Variants in VOPP1 observed in about 807,000 individuals in gnomAD.
VOPP1 encodes the protein WW domain binding protein VOPP1.
A neutral mutation model predicts 23.5 loss-of-function variants in VOPP1; 8 were observed. The ratio of observed to expected loss-of-function variants is 0.34; its 90% CI spans 0.20 to 0.61. The LOEUF (loss-of-function observed/expected upper bound fraction) is 0.61, where lower values mean the gene tolerates loss of function less well. Among genes scored for constraint, VOPP1 ranks in the 20% least tolerant of loss-of-function variants. The pLI is 0.78. For missense variants in VOPP1, 174 were observed against 238.1 expected (o/e 0.73, Z 1.77); for synonymous variants, 83 against 97.3 (o/e 0.85, Z 0.86).
intron 4 of VOPP1, among the ~76,000 whole-genome samples, chr7:55,491,824 T>C (rs373912636): frequency 2.6e-4 from 39 of 152,176 alleles, no homozygotes; most frequent in African/African-American, 8.7e-4. Context: ...GAATACTTGT[T>C]GAATGCATGA....
In VOPP1 at chr7:55,521,139, A is replaced by G. The variant is rs759973290; in HGVS notation, c.55-9T>C. On this transcript the variant is annotated splice_polypyrimidine_tract_variant and intron_variant, in intron 1 of 4. Coordinates refer to ENST00000285279, the MANE Select transcript of VOPP1 (RefSeq NM_030796.5). ...TTTTTGGCTTCTGTGCACTGCAAAT[A>G]GAAGCAAGAAAAAGTTTGTCAGTAC... 1 of 1,571,274 alleles carries G rather than the reference A, an allele frequency of 6.4e-7. No individual in the cohort carries two copies. Among genetic ancestry groups the G allele is most frequent in the South Asian group, 1.2e-5 (1 of 85,328 alleles).
intron 1 of VOPP1, among the ~76,000 whole-genome samples, chr7:55,546,084 TAAAG>T (rs1243570800): frequency 6.6e-6 from 1 of 151,464 alleles, no homozygotes; most frequent in East Asian, 1.9e-4. Flanking sequence ...AAAAATAAAA[TAAAG>T]AAAAGAAAAA....
intron 4 of VOPP1, among the ~76,000 whole-genome samples, chr7:55,491,025 C>T (rs554970733): frequency 6.6e-6 from 1 of 152,220 alleles, no homozygotes; most frequent in African/African-American, 2.4e-5. Flanking sequence ...ACATTCAATC[C>T]CTCTACTTCT....
At chr7:55,439,603 G>T (rs750006740) in intron 4 of VOPP1, among the ~76,000 whole-genome samples, 1 of 152,230 alleles carries the variant, frequency 6.6e-6, no homozygotes, top group African/African-American at 2.4e-5. Flanking sequence ...CTGGAGTGAC[G>T]TCTCCAAGGA....
intron 4 of VOPP1, among the ~76,000 whole-genome samples, chr7:55,458,585 TG>T (rs1340761015): frequency 2.0e-5 from 3 of 152,174 alleles, no homozygotes; most frequent in Non-Finnish European, 4.4e-5. Flanking sequence ...CTTTCATTAG[TG>T]TTTTGTAGTT....
At position 55,572,492 on chromosome 7, in the gene VOPP1, G is replaced by T. The variant is rs1004821678; in HGVS notation, c.-168C>A. ...GAGCCGGGGCGCGCCGCGCAGCCCT[G>T]GCTGCGCTCCGCCCCCGGCCGCCGC... On this transcript the variant is annotated 5_prime_UTR_variant, in exon 1 of 5. Transcript: ENST00000285279. 3.8e-5 allele frequency: 9 copies of T among 236,852 alleles called. No homozygotes were observed. Among genetic ancestry groups the T allele is most frequent in the Non-Finnish European group, 5.4e-5 (8 of 149,216 alleles). The allele number at this position is 236,852 out of a possible 1,614,324, so 14.7% of individuals were successfully genotyped here.
At chr7:55,501,146 G>C (rs1794337286) in intron 2 of VOPP1, among the ~76,000 whole-genome samples, 2 of 152,344 alleles carry the variant, frequency 1.3e-5, no homozygotes, top group Middle Eastern at 3.4e-3. Context: ...ACTGCATACT[G>C]ACCAGAAAGA....
At chr7:55,503,279 AG>A (rs1292936417) in intron 2 of VOPP1, among the ~76,000 whole-genome samples, 2 of 152,222 alleles carry the variant, frequency 1.3e-5, no homozygotes, top group Non-Finnish European at 2.9e-5. Flanking sequence ...CGATTTAGAC[AG>A]GTGTCAGAGC....
chr7:55,569,794 T>A (rs1798288799), intron 1 of VOPP1, among the ~76,000 whole-genome samples: 1 of 152,128 alleles, frequency 6.6e-6, no homozygotes, highest in Non-Finnish European at 1.5e-5. Context: ...AAACAGTCTT[T>A]GGATTGCCCT....
At chr7:55,457,977 G>T (rs894125396) in intron 4 of VOPP1, among the ~76,000 whole-genome samples, 1 of 151,886 alleles carries the variant, frequency 6.6e-6, no homozygotes, top group African/African-American at 2.4e-5. Flanking sequence ...TTTTGTTTTT[G>T]AGATCTTAGC....
chr7:55,555,313 G>A (rs1251459638), intron 1 of VOPP1, among the ~76,000 whole-genome samples: 1 of 152,162 alleles, frequency 6.6e-6, no homozygotes, highest in Non-Finnish European at 1.5e-5. Context: ...GCTGGCCCCA[G>A]GGAAGCAGAC....
intron 4 of VOPP1, among the ~76,000 whole-genome samples, chr7:55,458,337 T>C (rs924295263): frequency 3.3e-5 from 5 of 152,170 alleles, no homozygotes; most frequent in Admixed American, 3.3e-4. Flanking sequence ...CTGTAATGTT[T>C]TGAAGTTAAG....
chr7:55,485,862 C>T (rs982943534), intron 4 of VOPP1, among the ~76,000 whole-genome samples: 6 of 152,250 alleles, frequency 3.9e-5, no homozygotes, highest in Non-Finnish European at 7.3e-5. Flanking sequence ...CGGACGCAGC[C>T]ATTTCAAATA....
At chr7:55,504,542 A>G (rs554429909) in intron 2 of VOPP1, among the ~76,000 whole-genome samples, 1 of 152,332 alleles carries the variant, frequency 6.6e-6, no homozygotes, top group South Asian at 2.1e-4. Flanking sequence ...GGATCAAGGA[A>G]TCCACCCGAC....
At chr7:55,565,372 T>C (rs143319888) in intron 1 of VOPP1, among the ~76,000 whole-genome samples, 198 of 152,334 alleles carry the variant, frequency 1.3e-3, no homozygotes, top group Non-Finnish European at 2.4e-3. Flanking sequence ...AAATTAAGGA[T>C]ATCCTTACTC....
intron 4 of VOPP1, among the ~76,000 whole-genome samples, chr7:55,478,845 AAATT>A (rs1172474480): frequency 1.3e-5 from 2 of 152,200 alleles, no homozygotes; most frequent in East Asian, 3.9e-4. Flanking sequence ...AAGTCCAAAT[AAATT>A]ACACAATGTG....
chr7:55,526,274 T>C (rs1226244365), intron 1 of VOPP1, among the ~76,000 whole-genome samples: 4 of 152,224 alleles, frequency 2.6e-5, no homozygotes, highest in Non-Finnish European at 1.5e-5. Flanking sequence ...CAAGGAGGAC[T>C]CTGGACGCCC....
chr7:55,492,194 C>T lies in VOPP1; in HGVS notation c.328+88G>A, dbSNP rs370705663. 10 of 1,478,670 alleles carry T rather than the reference C, an allele frequency of 6.8e-6. No individual in the cohort carries two copies. The African/African-American group carries it at 1.3e-4, about 19-fold the overall frequency. 91.6% of individuals were successfully genotyped at this position (1,478,670 alleles called of 1,614,324 possible). A position where few individuals can be genotyped will look rare whatever the true frequency, so the allele number is the denominator to read the frequency against. On this transcript the variant is annotated intron_variant, in intron 4 of 4. Transcript: ENST00000285279. ...AACACACCTGAGCGCTCTCTTCTGG[C>T]AGTACCCTTTCTGCAGCAGTACCCT...
In VOPP1 at chr7:55,492,343, C is replaced by T. The variant is rs774642075; in HGVS notation, c.267G>A (p.Pro89=). Residue 89 remains proline (P), a synonymous_variant, in exon 4 of 5, where the codon CCG becomes CCA. Transcript: ENST00000285279. The part of the protein sequence containing the change: ...FFIRRRMYPP[P]LIEEPAFNVS... ...CATTGAAGGCTGGCTCCTCGATCAG[C>T]GGCGGGGGGTACATGCGCCTCCGGA... 2 of 1,608,976 alleles carry T rather than the reference C, an allele frequency of 1.2e-6. No homozygotes were observed. The highest frequency in any genetic ancestry group is 1.1e-5 in the South Asian group (1 of 90,174).
Sources: gnomAD v4.1 joint callset for allele counts (sites outside exome capture counted in the v4.1 genomes callset) on GRCh38, gnomAD v4.1.1 for gene constraint, MANE v1.5 for transcripts, NCBI Gene and HGNC (gene_info 2026-07-23, HGNC 2026-07-21) for gene names.